Variants in YTHDF2 observed in about 807,000 individuals in gnomAD.
YTHDF2 encodes the protein YTH N6-methyladenosine RNA binding protein F2.
A neutral mutation model predicts 50.4 loss-of-function variants in YTHDF2; 2 were observed. The ratio of observed to expected loss-of-function variants is 0.04; its 90% confidence interval spans 0.02 to 0.12. The LOEUF (loss-of-function observed/expected upper bound fraction) is 0.12. Among genes scored for constraint, YTHDF2 ranks in the 10% least tolerant of loss-of-function variants. The pLI is 1.00. For missense variants in YTHDF2, 483 were observed against 722.6 expected (o/e 0.67, Z 3.80); for synonymous variants, 217 against 255.6 (o/e 0.85, Z 1.44).
chr1:28,757,199 G>A (rs1260752787), intron 4 of YTHDF2, among the ~76,000 whole-genome samples: 1 of 152,208 alleles, frequency 6.6e-6, no homozygotes, highest in Admixed American at 6.5e-5. Context: ...TGTATCAAAT[G>A]AAACATTCTA....
chr1:28,737,380 C>A (rs1309001100), intron 1 of YTHDF2: 1 of 628,080 alleles, frequency 1.6e-6, no homozygotes, highest in Non-Finnish European at 2.6e-6. Context: ...TCCCTTCTCT[C>A]GGCGGGCCTC....
At chr1:28,739,388 C>T (rs1173886932) in intron 3 of YTHDF2, among the ~76,000 whole-genome samples, 1 of 150,258 alleles carries the variant, frequency 6.7e-6, no homozygotes, top group Non-Finnish European at 1.5e-5. Context: ...AATCTCGGCT[C>T]ACTGCAACCT....
intron 4 of YTHDF2, among the ~76,000 whole-genome samples, chr1:28,756,870 G>A (rs2088042761): frequency 6.6e-6 from 1 of 151,958 alleles, no homozygotes; most frequent in Admixed American, 6.6e-5. Flanking sequence ...TTATGCAGAG[G>A]AGAAAAAAAA....
At chr1:28,756,078 A>G (rs939374657) in intron 4 of YTHDF2, among the ~76,000 whole-genome samples, 2 of 152,198 alleles carry the variant, frequency 1.3e-5, no homozygotes, top group African/African-American at 4.8e-5. Context: ...ACTTCATTCA[A>G]AAGACTCTGC....
upstream of YTHDF2, chr1:28,736,843 G>T (rs1450495753): frequency 1.0e-5 from 4 of 384,268 alleles, no homozygotes; most frequent in Admixed American, 4.8e-5. Context: ...CTCGCGCCGC[G>T]CGCGCCGCCC....
At chr1:28,737,844 C>G (rs1256129453) in intron 2 of YTHDF2, 162 bp downstream of exon 2, 1 of 781,712 alleles carries the variant, frequency 1.3e-6, no homozygotes, top group Non-Finnish European at 2.0e-6. Flanking sequence ...GTTCTTGCAG[C>G]TGGCGAACAG....
At chr1:28,768,779 T>G (rs561787049) in intron 4 of YTHDF2, 150 bp from the exon 5 acceptor site, 73 of 576,048 alleles carry the variant, frequency 1.3e-4, no homozygotes, top group Non-Finnish European at 1.9e-4. Flanking sequence ...AGCCAGTTTT[T>G]CTTTGTGGGG....
At chr1:28,737,580 C>CCCT in intron 1 of YTHDF2, 78 bp from the exon 2 acceptor site, 2 of 1,598,496 alleles carry the variant, frequency 1.3e-6, no homozygotes, top group Non-Finnish European at 1.7e-6. Flanking sequence ...TCCCTTCGGG[C>CCCT]CCTGCCTTAA....
chr1:28,740,134 A>G (rs1367426107), intron 3 of YTHDF2, among the ~76,000 whole-genome samples: 1 of 152,232 alleles, frequency 6.6e-6, no homozygotes, highest in Non-Finnish European at 1.5e-5. Flanking sequence ...ACAAAACACA[A>G]CCAGTTAATC....
intron 4 of YTHDF2, among the ~76,000 whole-genome samples, chr1:28,765,612 TTTGTTG>T (rs749321426): frequency 1.3e-4 from 19 of 151,360 alleles, no homozygotes; most frequent in African/African-American, 4.1e-4. Context: ...CTAAGTTAAA[TTTGTTG>T]TTGTTGTTGT....
rs529799414 is a variant in YTHDF2, at chr1:28,768,220, T to A, written c.1717-709T>A. ...CTCAAAAAGAAAAAAAAATTTTTTTTAAAATTCTGTGCATGAAGTAATGTG... is the reference window on the plus strand; with the variant it reads ...CTCAAAAAGAAAAAAAAATTTTTTTAAAAATTCTGTGCATGAAGTAATGTG... On this transcript the variant is annotated intron_variant, in intron 4 of 4. Coordinates refer to ENST00000373812, the MANE Select transcript of YTHDF2 (RefSeq NM_016258.3). 4.2e-4 allele frequency among the ~76,000 whole-genome samples: 64 copies of A among 152,180 alleles called. No homozygotes were observed. The South Asian group carries it at 5.8e-3, about 14-fold the overall frequency.
At chr1:28,738,483 C>T (rs2087729063) in intron 3 of YTHDF2, 145 bp downstream of exon 3, 2 of 767,860 alleles carry the variant, frequency 2.6e-6, no homozygotes, top group South Asian at 3.8e-5. Flanking sequence ...CTCGCTCTGA[C>T]GCCCAGGCTG....
intron 2 of YTHDF2, 174 bp downstream of exon 2, chr1:28,737,856 T>C: frequency 1.4e-6 from 1 of 717,604 alleles, no homozygotes; most frequent in Non-Finnish European, 2.3e-6. Context: ...GGCGAACAGC[T>C]TTTTCGCTAA....
intron 4 of YTHDF2, among the ~76,000 whole-genome samples, chr1:28,754,129 A>C (rs754280310): frequency 1.3e-5 from 2 of 152,260 alleles, no homozygotes; most frequent in Non-Finnish European, 2.9e-5. Context: ...GTTAAGCACC[A>C]TGCTAGGTAC....
At chr1:28,736,752 G>T, upstream of YTHDF2, 1 of 283,460 alleles carries the variant, frequency 3.5e-6, no homozygotes. Context: ...CCGCCAGAGG[G>T]CGCAGCGGCC....
chr1:28,749,755 G>T (rs1170503330), intron 4 of YTHDF2, among the ~76,000 whole-genome samples: 2 of 114,256 alleles, frequency 1.8e-5, no homozygotes, highest in Non-Finnish European at 3.6e-5. Flanking sequence ...TAATGAAATA[G>T]AAAAAAAAGG....
At chr1:28,757,424 AGTT>A (rs1276270382) in intron 4 of YTHDF2, among the ~76,000 whole-genome samples, 4 of 110,796 alleles carry the variant, frequency 3.6e-5, no homozygotes, top group Admixed American at 8.6e-5. Flanking sequence ...AGGGGCTGGC[AGTT>A]GTTCTACTTT....
Position 28,738,253 on chromosome 1 carries a change from C to G in YTHDF2, c.53-6C>G, listed in dbSNP as rs542267235. ...GACACTCCTAATTGAATTTTTTTTTCTTTAGTACAAAATGGATCTGTACAT... is the reference window on the plus strand; with the variant it reads ...GACACTCCTAATTGAATTTTTTTTTGTTTAGTACAAAATGGATCTGTACAT... On this transcript the variant is annotated splice_region_variant and splice_polypyrimidine_tract_variant and intron_variant, in intron 2 of 4. Transcript: ENST00000373812. The G allele has an allele frequency of 4.0e-5, 64 of 1,606,632 alleles. No homozygotes were observed. Among genetic ancestry groups the G allele is most frequent in the Non-Finnish European group, 5.1e-5 (60 of 1,176,366 alleles).
chr1:28,742,400 C>G lies in YTHDF2; in HGVS notation c.133-3C>G. 1 of 1,528,932 alleles carries G rather than the reference C, an allele frequency of 6.5e-7. No individual in the cohort carries two copies. 94.7% of individuals were successfully genotyped at this position (1,528,932 alleles called of 1,614,324 possible). A position where few individuals can be genotyped will look rare whatever the true frequency, so the allele number is the denominator to read the frequency against. On this transcript the variant is annotated splice_polypyrimidine_tract_variant and splice_region_variant and intron_variant, in intron 3 of 4. Transcript: ENST00000373812. ...TTGATTTGCCTTTTTTTTTCTTCCA[C>G]AGAATAATGCATATACTGCCATGTC... is the stretch of plus-strand genomic sequence containing the variant.
Sources: allele counts gnomAD v4.1 joint callset (sites outside exome capture counted in the v4.1 genomes callset), GRCh38; gene constraint gnomAD v4.1.1; transcripts MANE v1.5; gene names NCBI Gene and HGNC (gene_info 2026-07-23, HGNC 2026-07-21).